TAF3: variants seen among roughly 807,000 people sequenced by gnomAD.
TAF3 encodes transcription initiation factor TFIID subunit 3.
In TAF3, 7 loss-of-function variants were observed where a neutral mutation model predicts 80.6. That is an observed-to-expected ratio of 0.09 (90% CI 0.05 to 0.16). TAF3 has a LOEUF of 0.16. Among genes scored for constraint, TAF3 ranks in the 10% least tolerant of loss-of-function variants. TAF3 has a pLI of 1.00. For missense variants in TAF3, 921 were observed against 1,140.2 expected, an observed-to-expected ratio of 0.81 and a Z score of 2.77; for synonymous variants, 444 against 446.1, an observed-to-expected ratio of 1.00 and a Z score of 0.06.
At chr10:8,001,004 T>A (rs1831938796) in intron 4 of TAF3, among the ~76,000 whole-genome samples, 1 of 152,226 alleles carries the variant, frequency 6.6e-6, no homozygotes, top group Non-Finnish European at 1.5e-5. Context: ...GATAACAACA[T>A]GGTGTTTGTT....
At chr10:7,941,710 A>G (rs1203447951) in intron 2 of TAF3, among the ~76,000 whole-genome samples, 1 of 152,190 alleles carries the variant, frequency 6.6e-6, no homozygotes, top group Non-Finnish European at 1.5e-5. Context: ...TCATGGGGTC[A>G]GTAAATACAA....
At chr10:7,969,968 T>A (rs1197260895) in intron 3 of TAF3, among the ~76,000 whole-genome samples, 1 of 152,252 alleles carries the variant, frequency 6.6e-6, no homozygotes, top group African/African-American at 2.4e-5. Context: ...AACTTATCTC[T>A]GCTTAAAAAC....
chr10:7,862,210 G>A (rs1178279163), intron 2 of TAF3, among the ~76,000 whole-genome samples: 5 of 152,004 alleles, frequency 3.3e-5, no homozygotes, highest in Admixed American at 2.0e-4. Flanking sequence ...TAGCTTCTTG[G>A]GCTCCTCTTA....
intron 2 of TAF3, among the ~76,000 whole-genome samples, chr10:7,876,449 A>G (rs1837312835): frequency 6.6e-6 from 1 of 152,228 alleles, no homozygotes. Flanking sequence ...ATTGTTTTCT[A>G]AAAGTTTTCT....
intron 2 of TAF3, among the ~76,000 whole-genome samples, chr10:7,868,832 A>C (rs1355709633): frequency 2.6e-5 from 4 of 152,316 alleles, no homozygotes; most frequent in African/African-American, 7.2e-5. Context: ...TTATAAGGCA[A>C]GTATTCACAT....
At chr10:7,900,599 G>A (rs951172853) in intron 2 of TAF3, among the ~76,000 whole-genome samples, 2 of 152,152 alleles carry the variant, frequency 1.3e-5, no homozygotes, top group Admixed American at 6.5e-5. Flanking sequence ...GCATGAAATC[G>A]AATCTCAACT....
chr10:7,861,205 C>T (rs1382771704), intron 2 of TAF3, among the ~76,000 whole-genome samples: 1 of 152,096 alleles, frequency 6.6e-6, no homozygotes, highest in Non-Finnish European at 1.5e-5. Context: ...ACCTCGTGAT[C>T]CGCCCGTCTT....
chr10:7,971,727 T>A (rs1464531880), intron 3 of TAF3, among the ~76,000 whole-genome samples: 1 of 152,196 alleles, frequency 6.6e-6, no homozygotes, highest in Non-Finnish European at 1.5e-5. Context: ...CGATTTTCAT[T>A]TTTTGCAAGG....
chr10:7,902,769 T>G (rs919621785), intron 2 of TAF3, among the ~76,000 whole-genome samples: 4 of 152,270 alleles, frequency 2.6e-5, no homozygotes, highest in Non-Finnish European at 4.4e-5. Flanking sequence ...CATTTATTGA[T>G]GATTCTTGTC....
chr10:7,974,007 A>G (rs1164603024), intron 3 of TAF3, among the ~76,000 whole-genome samples: 7 of 152,010 alleles, frequency 4.6e-5, no homozygotes, highest in Admixed American at 6.6e-5. Context: ...ATGCACCTGT[A>G]ATCCCAGCTA....
intron 2 of TAF3, among the ~76,000 whole-genome samples, chr10:7,915,294 G>T (rs1425454866): frequency 6.6e-6 from 1 of 151,806 alleles, no homozygotes; most frequent in African/African-American, 2.4e-5. Context: ...TGCTCTTCCT[G>T]TGCTGCCGGA....
chr10:7,936,469 A>G (rs1189380203), intron 2 of TAF3, among the ~76,000 whole-genome samples: 1 of 151,928 alleles, frequency 6.6e-6, no homozygotes, highest in East Asian at 1.9e-4. Flanking sequence ...GGATTGGCAT[A>G]TCAGAAGAGG....
At chr10:7,996,068 G>C (rs946615683) in intron 4 of TAF3, among the ~76,000 whole-genome samples, 1 of 152,140 alleles carries the variant, frequency 6.6e-6, no homozygotes, top group Non-Finnish European at 1.5e-5. Context: ...CGAACACCTG[G>C]TGTGTTAGTT....
At chr10:7,821,847 G>A (rs1247466492) in intron 1 of TAF3, among the ~76,000 whole-genome samples, 1 of 152,344 alleles carries the variant, frequency 6.6e-6, no homozygotes. Context: ...TAAGATTTGA[G>A]TTGAGCTGTG....
chr10:7,837,168 G>A (rs1836859124), intron 2 of TAF3, among the ~76,000 whole-genome samples: 1 of 152,208 alleles, frequency 6.6e-6, no homozygotes, highest in Non-Finnish European at 1.5e-5. Context: ...TTCAAGACCA[G>A]CCTGGCCAAC....
At chr10:7,886,632 G>A (rs1837411385) in intron 2 of TAF3, among the ~76,000 whole-genome samples, 2 of 152,180 alleles carry the variant, frequency 1.3e-5, no homozygotes, top group African/African-American at 4.8e-5. Flanking sequence ...TAAAAACTAA[G>A]TGAAATAACA....
intron 2 of TAF3, among the ~76,000 whole-genome samples, chr10:7,901,016 C>CTTTCCAGGTGTTCACTTTTTTTTTT (rs1564359790): frequency 5.3e-4 from 1 of 1,900 alleles, no homozygotes; most frequent in African/African-American, 1.2e-3. Flanking sequence ...TTGTGGTGAT[C>CTTTCCAGGTGTTCACTTTTTTTTTT]ATCCAAAAAT....
At chr10:7,871,324 C>T (rs1348256799) in intron 2 of TAF3, among the ~76,000 whole-genome samples, 1 of 151,206 alleles carries the variant, frequency 6.6e-6, no homozygotes, top group South Asian at 2.1e-4. Context: ...GTTCCTAAAA[C>T]CAGATATTCT....
intron 1 of TAF3, among the ~76,000 whole-genome samples, chr10:7,821,457 A>G (rs894581221): frequency 6.6e-6 from 1 of 152,216 alleles, no homozygotes; most frequent in African/African-American, 2.4e-5. Context: ...ATCCCTGACC[A>G]TAAGGTGTGT....
Sources: allele counts gnomAD v4.1 joint callset (sites outside exome capture counted in the v4.1 genomes callset), GRCh38; gene constraint gnomAD v4.1.1; transcripts MANE v1.5; gene names NCBI Gene and HGNC (gene_info 2026-07-23, HGNC 2026-07-21).